The following B3GALT5 variants were observed in gnomAD, a reference collection of about 807,000 sequenced individuals.
B3GALT5 encodes the protein UDP-Gal:betaGlcNAc beta 1,3-galactosyltransferase, polypeptide 5.
For missense variants in B3GALT5, 328 were observed against 396.6 expected (o/e 0.83, Z 1.47); for synonymous variants, 156 against 158.6 (o/e 0.98, Z 0.12).
intron 1 of B3GALT5, among the ~76,000 whole-genome samples, chr21:39,631,881 G>A (rs2079194068): frequency 6.6e-6 from 1 of 152,138 alleles, no homozygotes. Flanking sequence ...TCACTGAGGG[G>A]GCTACATTTG....
At chr21:39,649,556 G>A (rs1430189853) in intron 2 of B3GALT5, among the ~76,000 whole-genome samples, 2 of 152,242 alleles carry the variant, frequency 1.3e-5, no homozygotes, top group Non-Finnish European at 2.9e-5. Context: ...TCAGTATAGA[G>A]CCGGGCTTAA....
rs939986440 is a variant in B3GALT5 at position 39,646,449 on chromosome 21, A to G, written c.-334A>G. The G allele has an allele frequency of 1.3e-5, 2 of 152,240 alleles. No homozygotes were observed. The highest frequency in any genetic ancestry group is 4.8e-5 in the African/African-American group (2 of 41,454). The allele number at this position is 152,240 out of a possible 1,614,324, so 9.4% of individuals were successfully genotyped here. On this transcript the variant is annotated 5_prime_UTR_variant, in exon 2 of 4. Coordinates refer to ENST00000684187, the MANE Select transcript of B3GALT5 (RefSeq NM_001356336.2). Reference sequence around the variant, plus strand: ...CATTTGTGTTCAAGTAAGAAAATGTATCCAAGTCACAAAGAAACATAATTT... The same window carrying G: ...CATTTGTGTTCAAGTAAGAAAATGTGTCCAAGTCACAAAGAAACATAATTT...
chr21:39,652,210 C>T (rs1023057010), intron 2 of B3GALT5, among the ~76,000 whole-genome samples: 4 of 152,192 alleles, frequency 2.6e-5, no homozygotes, highest in African/African-American at 9.7e-5. Flanking sequence ...GAGTGGTGAG[C>T]CAGGATTGAG....
intron 2 of B3GALT5, among the ~76,000 whole-genome samples, chr21:39,647,538 C>T (rs946519548): frequency 9.1e-6 from 1 of 110,360 alleles, no homozygotes; most frequent in South Asian, 3.3e-4. Context: ...AGGGTTTCAC[C>T]TTGCTGGCCA....
intron 1 of B3GALT5, among the ~76,000 whole-genome samples, chr21:39,639,303 T>TTTCC (rs2079256527): frequency 1.3e-5 from 1 of 79,182 alleles, no homozygotes; most frequent in Non-Finnish European, 2.5e-5. Flanking sequence ...TCTTTCTTTC[T>TTTCC]TTCTTTCTTT....
intron 1 of B3GALT5, among the ~76,000 whole-genome samples, chr21:39,613,966 T>C (rs1370052013): frequency 6.6e-6 from 1 of 152,232 alleles, no homozygotes; most frequent in East Asian, 1.9e-4. Context: ...CCTCATTTAC[T>C]ATTTTTGTCT....
At chr21:39,613,272 G>T (rs1465756147) in intron 1 of B3GALT5, among the ~76,000 whole-genome samples, 1 of 152,108 alleles carries the variant, frequency 6.6e-6, no homozygotes, top group Non-Finnish European at 1.5e-5. Context: ...ATCAAACTTG[G>T]TGTGAAAACA....
At chr21:39,616,649 C>T (rs115716826) in intron 1 of B3GALT5, among the ~76,000 whole-genome samples, 3,291 of 152,202 alleles carry the variant, frequency 0.022, 134 homozygotes, top group African/African-American at 0.075. Context: ...GAATTGTCCT[C>T]GATTGCTTCT....
intron 1 of B3GALT5, among the ~76,000 whole-genome samples, chr21:39,643,417 C>CAAAAAA: frequency 8.8e-6 from 1 of 113,426 alleles, no homozygotes; most frequent in East Asian, 2.3e-4. Context: ...GACTCTAGCT[C>CAAAAAA]AAAAAAAAAA....
Position 39,661,085 on chromosome 21 carries a change from A to G in B3GALT5, c.526A>G (p.Thr176Ala), listed in dbSNP as rs1481435357. 1 of 1,614,052 alleles carries G rather than the reference A, an allele frequency of 6.2e-7. No homozygotes were observed. The highest frequency in any genetic ancestry group is 1.3e-5 in the African/African-American group (1 of 74,928). ...TGAACTGCTTCTGAAGAAAAACAGA[A>G]CAACCAGGTTTTTCACTGGCTTCTT... ...LTELLLKKNR[T>A]TRFFTGFLKL... The change falls in exon 4 of 4, where the codon ACA becomes GCA. Residue 176 changes from threonine (T) to alanine (A), a missense_variant. Thr to Ala is a moderately conservative substitution (Grantham distance 58, BLOSUM62 0). Coordinates refer to ENST00000684187, the MANE Select transcript of B3GALT5 (RefSeq NM_001356336.2). The surrounding 1 kb of genome is among the most constrained non-coding windows in gnomAD (Gnocchi z 4.7).
At chr21:39,623,997 G>A in intron 1 of B3GALT5, among the ~76,000 whole-genome samples, 1 of 152,254 alleles carries the variant, frequency 6.6e-6, no homozygotes, top group East Asian at 1.9e-4. Flanking sequence ...ACTGGAGACA[G>A]TTATCTCTGG....
chr21:39,624,955 TG>T (rs1459082005), intron 1 of B3GALT5, among the ~76,000 whole-genome samples: 1 of 152,198 alleles, frequency 6.6e-6, no homozygotes, highest in Non-Finnish European at 1.5e-5. Context: ...GAAGATCATT[TG>T]CAGGAAGGAT....
intron 1 of B3GALT5, among the ~76,000 whole-genome samples, chr21:39,635,418 G>C (rs1359792736): frequency 1.3e-5 from 2 of 152,154 alleles, no homozygotes; most frequent in Non-Finnish European, 2.9e-5. Context: ...TTCCTGTCTG[G>C]ACACCCATGG....
At chr21:39,645,843 C>T (rs1010164159) in intron 1 of B3GALT5, among the ~76,000 whole-genome samples, 8 of 151,970 alleles carry the variant, frequency 5.3e-5, no homozygotes, top group East Asian at 3.9e-4. Flanking sequence ...TGTCCCGACC[C>T]GGGGCAGATC....
rs935959164 is a variant in B3GALT5 at position 39,662,901 on chromosome 21, G to A, written c.*1409G>A. 6.0e-6 allele frequency: 1 copy of A among 166,028 alleles called. No homozygotes were observed. Among genetic ancestry groups the A allele is most frequent in the Non-Finnish European group, 1.5e-5 (1 of 68,112 alleles). The allele number at this position is 166,028 out of a possible 1,614,324, so 10.3% of individuals were successfully genotyped here. A position where few individuals can be genotyped will look rare whatever the true frequency, so the allele number is the denominator to read the frequency against. ...GGACTAAACTCTTACTTGAACTCAG[G>A]AAAAGTTACTTGCTGCAAAATGGTT... On this transcript the variant is annotated 3_prime_UTR_variant, in exon 4 of 4. Coordinates refer to ENST00000684187, the MANE Select transcript of B3GALT5 (RefSeq NM_001356336.2).
At chr21:39,628,470 C>A (rs2079175347) in intron 1 of B3GALT5, among the ~76,000 whole-genome samples, 1 of 152,212 alleles carries the variant, frequency 6.6e-6, no homozygotes, top group Admixed American at 6.5e-5. Context: ...CGTTTTAGCA[C>A]CCACTTAGGG....
rs2079555885 is a variant in B3GALT5 at position 39,664,093 on chromosome 21, G to A, written c.*2601G>A. 1 of 152,464 alleles carries A rather than the reference G, an allele frequency of 6.6e-6. No homozygotes were observed. Among genetic ancestry groups the A allele is most frequent in the African/African-American group, 2.4e-5 (1 of 41,446 alleles). The allele number at this position is 152,464 out of a possible 1,614,324, so 9.4% of individuals were successfully genotyped here. A position where few individuals can be genotyped will look rare whatever the true frequency, so the allele number is the denominator to read the frequency against. On this transcript the variant is annotated 3_prime_UTR_variant, in exon 4 of 4. Coordinates refer to ENST00000684187, the MANE Select transcript of B3GALT5 (RefSeq NM_001356336.2). Reference sequence around the variant, plus strand: ...GGGGGCAGAGACCTGCAGTTGCTCAGGTTTACAGATTAGGAAACTGAGGCA... The same window carrying A: ...GGGGGCAGAGACCTGCAGTTGCTCAAGTTTACAGATTAGGAAACTGAGGCA...
intron 2 of B3GALT5, among the ~76,000 whole-genome samples, chr21:39,652,581 C>T (rs958020595): frequency 4.6e-5 from 7 of 152,214 alleles, no homozygotes; most frequent in Non-Finnish European, 8.8e-5. Flanking sequence ...TAGCAGGCTG[C>T]CTGCGGTTAG....
intron 1 of B3GALT5, among the ~76,000 whole-genome samples, chr21:39,619,834 G>T (rs1277083513): frequency 6.6e-6 from 1 of 152,004 alleles, no homozygotes; most frequent in Non-Finnish European, 1.5e-5. Flanking sequence ...TTTAGGCAGA[G>T]TCTTGCTCTG....
Sources: allele counts gnomAD v4.1 joint callset (sites outside exome capture counted in the v4.1 genomes callset), GRCh38; gene constraint gnomAD v4.1.1; non-coding constraint Gnocchi (gnomAD v3.1); transcripts MANE v1.5; gene names NCBI Gene and HGNC (gene_info 2026-07-23, HGNC 2026-07-21).